LMLN: variants seen among roughly 807,000 people sequenced by gnomAD.
LMLN encodes the protein leishmanolysin like peptidase.
LMLN carries 70 observed loss-of-function variants against 92.3 expected under a neutral mutation model. The ratio of observed to expected loss-of-function variants is 0.76; its 90% CI spans 0.63 to 0.92. The LOEUF (loss-of-function observed/expected upper bound fraction) is 0.92. Among genes scored for constraint, LMLN ranks in the 40% least tolerant of loss-of-function variants. The pLI is 0.00. For missense variants in LMLN, 691 were observed against 814.6 expected (o/e 0.85, Z 1.85); for synonymous variants, 308 against 296.2 (o/e 1.04, Z -0.41).
At chr3:198,030,369 G>T (rs79944174) in intron 14 of LMLN, among the ~76,000 whole-genome samples, 7 of 152,198 alleles carry the variant, frequency 4.6e-5, no homozygotes, top group African/African-American at 1.7e-4. Flanking sequence ...CAGACGTGGC[G>T]CCTGGTAGCA....
chr3:198,018,665 A>G (rs1372603530), intron 11 of LMLN, among the ~76,000 whole-genome samples: 1 of 152,190 alleles, frequency 6.6e-6, no homozygotes, highest in African/African-American at 2.4e-5. Context: ...TTTTTCCTTA[A>G]GAAATATGTG....
intron 14 of LMLN, among the ~76,000 whole-genome samples, chr3:198,030,286 C>T (rs1042993838): frequency 6.6e-6 from 1 of 152,178 alleles, no homozygotes; most frequent in Non-Finnish European, 1.5e-5. Flanking sequence ...CCATCGTACA[C>T]TTCTTGTTTC....
At chr3:197,999,793 G>T (rs1054797820) in intron 11 of LMLN, 3 of 159,466 alleles carry the variant, frequency 1.9e-5, no homozygotes, top group African/African-American at 7.2e-5. Context: ...CAAAGTGCTG[G>T]GATTACAGGC....
chr3:197,984,105 T>A, intron 7 of LMLN, 57 bp downstream of exon 7: 1 of 1,127,912 alleles, frequency 8.9e-7, no homozygotes, highest in Non-Finnish European at 1.4e-6. Context: ...CTTAGTATGT[T>A]CTCATTTTTA....
intron 11 of LMLN, 72 bp from the exon 12 acceptor site, chr3:198,002,943 T>C: frequency 1.2e-6 from 1 of 826,212 alleles, no homozygotes; most frequent in East Asian, 2.7e-5. Context: ...TTGTTGAGAT[T>C]CTCAATTGTT....
At position 197,985,197 on chromosome 3, in the gene LMLN, A is replaced by G. The variant is rs1384650765; in HGVS notation, c.835-599A>G. 4.6e-5 allele frequency among the ~76,000 whole-genome samples: 7 copies of G among 152,116 alleles called. No individual in the cohort carries two copies. In the East Asian group the frequency reaches 9.6e-4, roughly 21 times the overall value. On this transcript the variant is annotated intron_variant, in intron 7 of 15. Coordinates refer to ENST00000330198, the Ensembl canonical transcript of LMLN. ...CCACGTATCTCAGTGTCCAGCTTCC[A>G]TCTTTTCAGCTCTGGTCCAGCTCTT...
At chr3:198,037,188 C>G (rs2109961196) in intron 15 of LMLN, among the ~76,000 whole-genome samples, 1 of 152,290 alleles carries the variant, frequency 6.6e-6, no homozygotes, top group Non-Finnish European at 1.5e-5. Flanking sequence ...TGAAATGATG[C>G]AGAGCAAAAT....
chr3:198,033,562 T>C (rs1364572033), intron 14 of LMLN, among the ~76,000 whole-genome samples: 1 of 151,934 alleles, frequency 6.6e-6, no homozygotes, highest in Non-Finnish European at 1.5e-5. Flanking sequence ...CCATTACGCC[T>C]GGCTAATTTT....
At chr3:197,987,199 G>T (rs552191492) in intron 8 of LMLN, among the ~76,000 whole-genome samples, 1 of 135,918 alleles carries the variant, frequency 7.4e-6, no homozygotes, top group African/African-American at 2.8e-5. Flanking sequence ...TCGCTCTGTC[G>T]CCCAGGCTGG....
chr3:198,003,088 A>C, intron 11 of LMLN: 1 of 1,551,356 alleles, frequency 6.4e-7, no homozygotes, highest in Non-Finnish European at 8.7e-7. Flanking sequence ...CTTTGTCAGG[A>C]AGAGCTGTAA....
In LMLN at chr3:197,980,245, G is replaced by A. The variant is rs1301486122; in HGVS notation, c.550-81G>A. On this transcript the variant is annotated intron_variant, in intron 5 of 15. Transcript: ENST00000330198. ...GATTAAATTGTACTGTGTTTATAGT[G>A]TAGATTTTACTATAAGATTAAATGC... 2.5e-6 allele frequency: 3 copies of A among 1,186,780 alleles called. 1 individual carries two copies. The highest frequency in any genetic ancestry group is 2.8e-5 in the South Asian group (2 of 72,316). The allele number at this position is 1,186,780 out of a possible 1,614,324, so 73.5% of individuals were successfully genotyped here. A position where few individuals can be genotyped will look rare whatever the true frequency, so the allele number is the denominator to read the frequency against.
At chr3:198,037,190 G>A (rs764987941) in intron 15 of LMLN, among the ~76,000 whole-genome samples, 75 of 152,184 alleles carry the variant, frequency 4.9e-4, no homozygotes, top group Non-Finnish European at 8.7e-4. Flanking sequence ...AAATGATGCA[G>A]AGCAAAATCA....
chr3:197,974,428 G>A (rs866780591), exon 2 of LMLN: 1 of 1,596,290 alleles, frequency 6.3e-7, no homozygotes, highest in South Asian at 1.1e-5. Context: ...GAGAGATGTT[G>A]ATGAGCATTT....
intron 11 of LMLN, chr3:198,003,033 C>T (rs747977281): frequency 8.4e-6 from 13 of 1,549,950 alleles, no homozygotes; most frequent in Non-Finnish European, 1.0e-5. Flanking sequence ...AAGCAAATTA[C>T]AGCATGGCTG....
At chr3:198,035,680 G>A (rs1723200562) in intron 14 of LMLN, among the ~76,000 whole-genome samples, 153 bp from the exon 16 acceptor site, 1 of 152,010 alleles carries the variant, frequency 6.6e-6, no homozygotes, top group Non-Finnish European at 1.5e-5. Flanking sequence ...TTTATATGAG[G>A]TTAAAGTTAT....
intron 1 of LMLN, among the ~76,000 whole-genome samples, chr3:197,967,054 C>T (rs1009953620): frequency 6.6e-6 from 1 of 152,152 alleles, no homozygotes; most frequent in African/African-American, 2.4e-5. Flanking sequence ...CCTTGGCCTC[C>T]CAAAGCTCTG....
chr3:198,038,320 A>T, intron 15 of LMLN: 2 of 414,354 alleles, frequency 4.8e-6, no homozygotes, highest in Non-Finnish European at 8.8e-6. Context: ...CCCCAAGGCA[A>T]TTTTTTTTGG....
chr3:198,006,082 A>T (rs1358674443), intron 11 of LMLN, among the ~76,000 whole-genome samples: 1 of 152,192 alleles, frequency 6.6e-6, no homozygotes, highest in Non-Finnish European at 1.5e-5. Flanking sequence ...GCACCACTGT[A>T]TTCCAGCCTG....
exon 13 of LMLN, chr3:198,021,451 T>C: frequency 1.2e-6 from 2 of 1,613,948 alleles, no homozygotes; most frequent in Non-Finnish European, 1.7e-6. Flanking sequence ...TGCAGTACTT[T>C]GATGAACTCA....
Sources: allele counts gnomAD v4.1 joint callset (sites outside exome capture counted in the v4.1 genomes callset), GRCh38; gene constraint gnomAD v4.1.1; transcripts MANE v1.5; gene names NCBI Gene and HGNC (gene_info 2026-07-23, HGNC 2026-07-21).